GALNT13: variants seen among roughly 807,000 people sequenced by gnomAD.
The protein encoded by GALNT13 is polypeptide N-acetylgalactosaminyltransferase 13, also known as UDP-GalNAc:polypeptide N-acetylgalactosaminyltransferase 13.
In GALNT13, 28 loss-of-function variants were observed where a neutral mutation model predicts 64.2. The ratio of observed to expected loss-of-function variants is 0.44; its 90% confidence interval spans 0.32 to 0.60. GALNT13 has a LOEUF of 0.60. GALNT13 is among the 20% of genes least tolerant of loss of function. The pLI, the probability that GALNT13 is intolerant of heterozygous loss-of-function variation, is 0.05. For missense variants in GALNT13, 577 were observed against 669.8 expected, an observed-to-expected ratio of 0.86 and a Z score of 1.53; for synonymous variants, 214 against 224.6, an observed-to-expected ratio of 0.95 and a Z score of 0.42.
intron 8 of GALNT13, among the ~76,000 whole-genome samples, chr2:154,272,447 T>G (rs1023591760): frequency 7.2e-5 from 11 of 152,090 alleles, no homozygotes; most frequent in African/African-American, 2.7e-4. Flanking sequence ...ACATACTTCA[T>G]TGCTGTGGCT....
chr2:154,439,375 C>T (rs1180948701), intron 12 of GALNT13, among the ~76,000 whole-genome samples: 2 of 152,122 alleles, frequency 1.3e-5, no homozygotes, highest in African/African-American at 4.8e-5. Context: ...GAAATATTTT[C>T]CTTTGCATAA....
intron 3 of GALNT13, among the ~76,000 whole-genome samples, chr2:153,970,635 A>G (rs1405695027): frequency 2.0e-5 from 3 of 152,072 alleles, no homozygotes; most frequent in Non-Finnish European, 2.9e-5. Context: ...GGCTTACTTG[A>G]TATATCTTTT....
chr2:153,677,227 C>G, the GALNT13 span, among the ~76,000 whole-genome samples: 1 of 150,764 alleles, frequency 6.6e-6, no homozygotes, highest in Non-Finnish European at 1.5e-5. Flanking sequence ...TTTCTACATA[C>G]GAATAACATT....
At chr2:153,467,918 AT>A in the GALNT13 span, among the ~76,000 whole-genome samples, 24 of 152,214 alleles carry the variant, frequency 1.6e-4, no homozygotes, top group African/African-American at 5.3e-4. Flanking sequence ...AGATCTTAAC[AT>A]ACAAACTTTT....
chr2:153,836,915 C>T, the GALNT13 span, among the ~76,000 whole-genome samples: 1 of 152,024 alleles, frequency 6.6e-6, no homozygotes, highest in African/African-American at 2.4e-5. Flanking sequence ...CATTGTTGGA[C>T]ATTTGGGTTG....
chr2:153,628,616 G>A, the GALNT13 span, among the ~76,000 whole-genome samples: 2 of 152,070 alleles, frequency 1.3e-5, no homozygotes, highest in Non-Finnish European at 2.9e-5. Flanking sequence ...CGTGGTTTTT[G>A]TCTTTGGTTC....
intron 3 of GALNT13, among the ~76,000 whole-genome samples, chr2:154,063,837 G>A (rs1193872833): frequency 6.6e-6 from 1 of 152,114 alleles, no homozygotes; most frequent in African/African-American, 2.4e-5. Flanking sequence ...CTGCACAGAA[G>A]CCTCCACTGA....
At chr2:153,458,676 G>T in the GALNT13 span, among the ~76,000 whole-genome samples, 1 of 152,042 alleles carries the variant, frequency 6.6e-6, no homozygotes, top group Non-Finnish European at 1.5e-5. Context: ...GTACATTGTT[G>T]TATTCCCTAA....
chr2:153,463,906 G>A, the GALNT13 span, among the ~76,000 whole-genome samples: 1 of 152,046 alleles, frequency 6.6e-6, no homozygotes, highest in Non-Finnish European at 1.5e-5. Flanking sequence ...ACAGTTAGGT[G>A]TATATCCAAA....
chr2:153,798,730 A>G, the GALNT13 span, among the ~76,000 whole-genome samples: 1 of 152,280 alleles, frequency 6.6e-6, no homozygotes, highest in Non-Finnish European at 1.5e-5. Flanking sequence ...TTGTTATATA[A>G]CAGATGCATC....
intron 8 of GALNT13, among the ~76,000 whole-genome samples, chr2:154,262,852 A>C (rs1690773069): frequency 1.3e-5 from 2 of 152,176 alleles, no homozygotes; most frequent in Non-Finnish European, 2.9e-5. Context: ...AAGAACTGAG[A>C]AATTGATACC....
chr2:153,682,372 T>G, the GALNT13 span, among the ~76,000 whole-genome samples: 5 of 151,728 alleles, frequency 3.3e-5, no homozygotes, highest in Non-Finnish European at 5.9e-5. Context: ...CATGTAACTT[T>G]GGCCATCAAG....
intron 3 of GALNT13, among the ~76,000 whole-genome samples, chr2:154,005,113 T>G: frequency 6.6e-6 from 1 of 152,168 alleles, no homozygotes; most frequent in East Asian, 1.9e-4. Context: ...ACTACATATG[T>G]TTCGAATTTT....
chr2:153,793,347 AT>A, the GALNT13 span, among the ~76,000 whole-genome samples: 1 of 152,084 alleles, frequency 6.6e-6, no homozygotes, highest in East Asian at 1.9e-4. Flanking sequence ...TAAGCTATGC[AT>A]TTTTTATATT....
At chr2:153,102,810 A>G in the GALNT13 span, among the ~76,000 whole-genome samples, 2 of 152,170 alleles carry the variant, frequency 1.3e-5, no homozygotes, top group African/African-American at 4.8e-5. Flanking sequence ...AGGCATGCCA[A>G]AAGGTGCTAT....
At chr2:154,349,607 T>C (rs1381385128) in intron 9 of GALNT13, among the ~76,000 whole-genome samples, 2 of 152,176 alleles carry the variant, frequency 1.3e-5, no homozygotes, top group Non-Finnish European at 2.9e-5. Context: ...TTTACTATGA[T>C]ATCATTCAAA....
chr2:153,591,353 A>C, the GALNT13 span, among the ~76,000 whole-genome samples: 21 of 152,258 alleles, frequency 1.4e-4, no homozygotes, highest in African/African-American at 4.8e-4. Context: ...AGAAGAGTTA[A>C]TATCATTAAA....
the GALNT13 span, among the ~76,000 whole-genome samples, chr2:153,653,920 C>T: frequency 6.6e-6 from 1 of 152,002 alleles, no homozygotes; most frequent in Non-Finnish European, 1.5e-5. Context: ...TGGATTTTGG[C>T]AATGATCATC....
intron 10 of GALNT13, among the ~76,000 whole-genome samples, chr2:154,407,772 C>T (rs1415934092): frequency 6.6e-6 from 1 of 152,034 alleles, no homozygotes; most frequent in Non-Finnish European, 1.5e-5. Flanking sequence ...TTTTTTCTAA[C>T]ATTTACCAAA....
Sources: allele counts gnomAD v4.1 joint callset (sites outside exome capture counted in the v4.1 genomes callset), GRCh38; gene constraint gnomAD v4.1.1; transcripts MANE v1.5; gene names NCBI Gene and HGNC (gene_info 2026-07-23, HGNC 2026-07-21).